SMYD3: variants seen among roughly 807,000 people sequenced by gnomAD.
SMYD3 encodes the protein histone-lysine N-methyltransferase SMYD3.
A neutral mutation model predicts 57.7 loss-of-function variants in SMYD3; 36 were observed. The observed-to-expected ratio is 0.62, with a 90% confidence interval of 0.48 to 0.82. The LOEUF (loss-of-function observed/expected upper bound fraction) is 0.82. Ranked by LOEUF, SMYD3 falls within the 40% of genes least tolerant of loss-of-function variation. The pLI is 0.00. For synonymous variants in SMYD3, 211 were observed against 195.0 expected (o/e 1.08, Z -0.68); for missense variants, 515 against 538.8 (o/e 0.96, Z 0.44).
At chr1:246,033,513 T>C (rs2059715834) in intron 5 of SMYD3, among the ~76,000 whole-genome samples, 2 of 152,138 alleles carry the variant, frequency 1.3e-5, no homozygotes, top group African/African-American at 4.8e-5. Flanking sequence ...TCTGGCCGGG[T>C]GCTGGCTCAC....
chr1:245,834,865 A>T (rs2148397411), intron 10 of SMYD3, among the ~76,000 whole-genome samples: 1 of 152,300 alleles, frequency 6.6e-6, no homozygotes, highest in East Asian at 1.9e-4. Flanking sequence ...TAACATGCAT[A>T]CATAAGCGCA....
intron 1 of SMYD3, among the ~76,000 whole-genome samples, chr1:246,475,253 C>T (rs1176640277): frequency 4.0e-5 from 6 of 150,894 alleles, no homozygotes; most frequent in African/African-American, 1.2e-4. Flanking sequence ...TGCTTGAACC[C>T]GGAAGAGGAG....
intron 5 of SMYD3, among the ~76,000 whole-genome samples, chr1:246,042,079 A>G (rs140876133): frequency 0.012 from 1,850 of 152,306 alleles, 16 homozygotes; most frequent in Middle Eastern, 0.11. Context: ...TGGGACCCCA[A>G]GTCCATTTGA....
chr1:246,481,625 T>TATATATATATATAC (rs1459254899), intron 1 of SMYD3, among the ~76,000 whole-genome samples: 67 of 90,384 alleles, frequency 7.4e-4, no homozygotes, highest in African/African-American at 3.2e-3. Flanking sequence ...CATATATACA[T>TATATATATATATAC]ACATACATAC....
chr1:245,943,668 A>G (rs2057335017), intron 5 of SMYD3, among the ~76,000 whole-genome samples: 1 of 152,214 alleles, frequency 6.6e-6, no homozygotes, highest in Admixed American at 6.5e-5. Context: ...AACCTGGCAG[A>G]GGTACAACAA....
At position 245,972,022 on chromosome 1, in the gene SMYD3, C is replaced by T. The variant is rs1439479463; in HGVS notation, c.532-42085G>A. ...AGTCACTGCTGATCTTGCCATGTCTCGGGCACCACTGATGCCTCACTATAA... is the reference window on the plus strand; with the variant it reads ...AGTCACTGCTGATCTTGCCATGTCTTGGGCACCACTGATGCCTCACTATAA... On this transcript the variant is annotated intron_variant, in intron 5 of 11. Transcript: ENST00000490107. 7.2e-5 allele frequency among the ~76,000 whole-genome samples: 11 copies of T among 152,160 alleles called. No homozygotes were observed. The South Asian group carries it at 8.3e-4, about 11-fold the overall frequency.
intron 5 of SMYD3, among the ~76,000 whole-genome samples, chr1:246,067,841 G>T (rs891858463): frequency 6.6e-6 from 1 of 152,142 alleles, no homozygotes; most frequent in Non-Finnish European, 1.5e-5. Flanking sequence ...CACCAAGGCC[G>T]GGAGAGGCTG....
chr1:246,383,117 C>T, intron 1 of SMYD3, among the ~76,000 whole-genome samples: 1 of 152,250 alleles, frequency 6.6e-6, no homozygotes. Context: ...TTGACCCAGG[C>T]ACAAGGCTAG....
intron 10 of SMYD3, among the ~76,000 whole-genome samples, chr1:245,798,486 A>ACAC (rs2047694180): frequency 4.7e-5 from 1 of 21,054 alleles, no homozygotes; most frequent in African/African-American, 1.1e-3. Flanking sequence ...ACAACACACC[A>ACAC]CACACACACA....
chr1:245,781,565 C>T lies in SMYD3; in HGVS notation c.1077-17416G>A, dbSNP rs141529597. On this transcript the variant is annotated intron_variant, in intron 10 of 11. Coordinates refer to ENST00000490107, the MANE Select transcript of SMYD3 (RefSeq NM_001167740.2). ...CTCTGCAAGTAACCCCATTTCCATC[C>T]TCTCTTATTAGCACACCAATTTGCA... is the stretch of plus-strand genomic sequence containing the variant. Among the ~76,000 whole-genome samples the T allele has an allele frequency of 5.3e-3, 807 of 152,308 alleles. 4 individuals are homozygous for T. Among genetic ancestry groups the T allele is most frequent in the African/African-American group, 0.017 (707 of 41,560 alleles).
intron 1 of SMYD3, among the ~76,000 whole-genome samples, chr1:246,405,770 C>T (rs2066853822): frequency 1.3e-5 from 2 of 151,762 alleles, no homozygotes; most frequent in Non-Finnish European, 2.9e-5. Context: ...ATTAGCCGGG[C>T]GTGGTGGCGG....
intron 1 of SMYD3, among the ~76,000 whole-genome samples, chr1:246,421,425 G>A (rs945036886): frequency 5.3e-5 from 8 of 151,934 alleles, no homozygotes; most frequent in African/African-American, 1.9e-4. Context: ...GCAGTAAAAT[G>A]TAACAAAATA....
chr1:245,970,795 C>G (rs770926629), intron 5 of SMYD3, among the ~76,000 whole-genome samples: 1 of 152,114 alleles, frequency 6.6e-6, no homozygotes, highest in Non-Finnish European at 1.5e-5. Flanking sequence ...AGTAGGGAAA[C>G]AACAGGTGCT....
chr1:246,182,301 G>C (rs1434256301), intron 5 of SMYD3, among the ~76,000 whole-genome samples: 1 of 151,892 alleles, frequency 6.6e-6, no homozygotes, highest in African/African-American at 2.4e-5. Context: ...TATTACCTCA[G>C]CCTTCACTCC....
At chr1:246,247,484 TA>T (rs1408232679) in intron 5 of SMYD3, among the ~76,000 whole-genome samples, 9 of 139,414 alleles carry the variant, frequency 6.5e-5, no homozygotes, top group Admixed American at 5.1e-4. Flanking sequence ...TATATATATA[TA>T]TTTTTTAACA....
intron 5 of SMYD3, chr1:246,321,680 T>C (rs1048382816): frequency 1.3e-5 from 2 of 152,094 alleles, no homozygotes; most frequent in African/African-American, 4.8e-5. Flanking sequence ...CTTAGGAGTA[T>C]ATACATTTTC....
rs1326631387 is a variant in SMYD3, at chr1:245,863,838, C to T, written c.862G>A (p.Glu288Lys). The T allele has an allele frequency of 2.5e-6, 4 of 1,614,028 alleles. No homozygotes were observed. ...AGTTCTTCAATTTTTTTCAGGGATT[C>T]TTGAACTTCCTTCCATACTTGCTCA... ...GDEQVWKEVQESLKKIEELKA... is the reference protein window; with the variant it reads ...GDEQVWKEVQKSLKKIEELKA... The change falls in exon 9 of 12, where the codon GAA (glutamate) becomes AAA (lysine). Residue 288 changes from glutamate (E) to lysine (K), a missense_variant. By Grantham distance (56) the Glu-to-Lys change is moderately conservative. Transcript: ENST00000490107.
chr1:245,820,926 C>T (rs919305864), intron 10 of SMYD3, among the ~76,000 whole-genome samples: 4 of 151,214 alleles, frequency 2.6e-5, no homozygotes, highest in Non-Finnish European at 5.9e-5. Flanking sequence ...ACATTCCATG[C>T]TCATGGGTAG....
intron 10 of SMYD3, among the ~76,000 whole-genome samples, chr1:245,805,392 A>G (rs2048102978): frequency 6.6e-6 from 1 of 152,252 alleles, no homozygotes; most frequent in South Asian, 2.1e-4. Context: ...GAAAGTTACT[A>G]GAATATTGTC....
Sources: gnomAD v4.1 joint callset for allele counts (sites outside exome capture counted in the v4.1 genomes callset) on GRCh38, gnomAD v4.1.1 for gene constraint, MANE v1.5 for transcripts, NCBI Gene and HGNC (gene_info 2026-07-23, HGNC 2026-07-21) for gene names.